The following IL7 variants were observed in gnomAD, a reference collection of about 807,000 sequenced individuals.
The protein encoded by IL7 is interleukin-7.
IL7 carries 3 observed loss-of-function variants against 21.6 expected under a neutral mutation model. The observed-to-expected ratio is 0.14, with a 90% CI of 0.06 to 0.36. The LOEUF is 0.36. Among genes scored for constraint, IL7 ranks in the 10% least tolerant of loss-of-function variants. The pLI is 1.00. For missense variants in IL7, 175 were observed against 200.2 expected (o/e 0.87, Z 0.76); for synonymous variants, 62 against 68.1 (o/e 0.91, Z 0.44).
intron 2 of IL7, among the ~76,000 whole-genome samples, chr8:78,796,698 AC>A (rs2130841890): frequency 6.6e-6 from 1 of 152,152 alleles, no homozygotes; most frequent in Non-Finnish European, 1.5e-5. Flanking sequence ...TTGAAACAAC[AC>A]TGAGATACTA....
intron 2 of IL7, among the ~76,000 whole-genome samples, chr8:78,797,675 C>A (rs534176283): frequency 7.2e-5 from 11 of 152,008 alleles, no homozygotes; most frequent in African/African-American, 2.4e-4. Context: ...TACACACAGC[C>A]AAATAAAATA....
intron 2 of IL7, among the ~76,000 whole-genome samples, chr8:78,751,142 C>G (rs899938074): frequency 6.8e-6 from 1 of 147,556 alleles, no homozygotes; most frequent in African/African-American, 2.5e-5. Flanking sequence ...AACTGTGGGA[C>G]AACTACAAAA....
chr8:78,720,512 G>A (rs1811217983), intron 5 of IL7, among the ~76,000 whole-genome samples: 2 of 151,504 alleles, frequency 1.3e-5, no homozygotes, highest in Admixed American at 1.3e-4. Flanking sequence ...GCCACTAGAG[G>A]GTGCATTTGG....
At chr8:78,765,413 AT>A (rs139840201) in intron 2 of IL7, among the ~76,000 whole-genome samples, 3,590 of 152,226 alleles carry the variant, frequency 0.024, 67 homozygotes, top group Non-Finnish European at 0.035. Context: ...ACTGGAAAAA[AT>A]ATTTACAAAA....
chr8:78,707,414 T>G (rs1810807439), intron 3 of IL7, among the ~76,000 whole-genome samples: 1 of 152,226 alleles, frequency 6.6e-6, no homozygotes, highest in Non-Finnish European at 1.5e-5. Flanking sequence ...GCTTTGGGCA[T>G]GTATCTCTTT....
chr8:78,792,308 T>C (rs1001230811), intron 2 of IL7, among the ~76,000 whole-genome samples: 1 of 152,118 alleles, frequency 6.6e-6, no homozygotes, highest in African/African-American at 2.4e-5. Context: ...AAGACCAACA[T>C]GTGAGACTGA....
chr8:78,773,737 A>C (rs1813041743), intron 2 of IL7, among the ~76,000 whole-genome samples: 1 of 152,154 alleles, frequency 6.6e-6, no homozygotes, highest in African/African-American at 2.4e-5. Flanking sequence ...TGTGGCGATT[A>C]GTACATGTTT....
At chr8:78,716,921 G>A (rs1811125114), downstream of IL7, among the ~76,000 whole-genome samples, 1 of 152,084 alleles carries the variant, frequency 6.6e-6, no homozygotes, top group Non-Finnish European at 1.5e-5. Context: ...CACCATGTAA[G>A]ACATGCTTGC....
At chr8:78,694,914 T>G (rs1810349601) in intron 3 of IL7, among the ~76,000 whole-genome samples, 1 of 152,198 alleles carries the variant, frequency 6.6e-6, no homozygotes, top group Non-Finnish European at 1.5e-5. Flanking sequence ...TATACAAAAT[T>G]GTTGGTTGAT....
rs754052438 is a variant in IL7 at position 78,736,476 on chromosome 8, A to G, written c.412T>C (p.Leu138=). ...GAAAATTATACAATTATTCTCACCA[A>G]ACTCTTTGTTGGTTGGGCTTCACCC... ...ALGEAQPTKS[L]EENKSLKEQK... Residue 138 remains leucine, a splice_region_variant and synonymous_variant, in exon 5 of 6, where the codon TTG becomes CTG. Transcript: ENST00000263851. 1.3e-6 allele frequency: 2 copies of G among 1,591,892 alleles called. No individual in the cohort carries two copies. Among genetic ancestry groups the G allele is most frequent in the Middle Eastern group, 1.7e-4 (1 of 6,004 alleles).
At chr8:78,800,469 T>A (rs1040230169) in intron 1 of IL7, among the ~76,000 whole-genome samples, 4 of 152,104 alleles carry the variant, frequency 2.6e-5, no homozygotes, top group African/African-American at 4.8e-5. Context: ...GCTAATTTTT[T>A]AAAATTTGTT....
intron 3 of IL7, among the ~76,000 whole-genome samples, chr8:78,739,025 G>C (rs945989236): frequency 6.6e-6 from 1 of 152,046 alleles, no homozygotes; most frequent in Admixed American, 6.6e-5. Flanking sequence ...AGTATTTCTT[G>C]CATCTTTTGA....
At chr8:78,704,387 CAA>C (rs1307275741) in intron 3 of IL7, among the ~76,000 whole-genome samples, 46 of 65,242 alleles carry the variant, frequency 7.1e-4, no homozygotes, top group Non-Finnish European at 1.0e-3. Context: ...GACTCCATCT[CAA>C]AAAAAAAAAA....
chr8:78,755,353 T>C (rs1463661462), intron 2 of IL7, among the ~76,000 whole-genome samples: 1 of 152,112 alleles, frequency 6.6e-6, no homozygotes, highest in Non-Finnish European at 1.5e-5. Context: ...TTTTTTCTCT[T>C]TCTGTGAAAA....
chr8:78,804,272 CAACAAAAACAAA>C lies in IL7; in HGVS notation c.10+629_10+640del, dbSNP rs574775786. ...AAGAAGCGCCCGTAGGAAAAAATAA[CAACAAAAACAAA>C]AACAAAAACAAAAAAACCCAGAAGC... On this transcript the variant is annotated intron_variant, in intron 1 of 5. Transcript: ENST00000263851. Among the ~76,000 whole-genome samples the C allele has an allele frequency of 4.6e-5, 7 of 152,168 alleles. No individual in the cohort carries two copies. In the East Asian group the frequency reaches 1.4e-3, roughly 29 times the overall value.
intron 2 of IL7, among the ~76,000 whole-genome samples, chr8:78,741,553 T>C (rs1286625392): frequency 2.1e-4 from 32 of 152,260 alleles, no homozygotes; most frequent in Non-Finnish European, 1.5e-5. Flanking sequence ...TGCCAATTTC[T>C]TGCAACATGT....
intron 3 of IL7, among the ~76,000 whole-genome samples, chr8:78,725,327 C>T (rs1472080228): frequency 2.0e-5 from 3 of 150,850 alleles, no homozygotes; most frequent in Non-Finnish European, 4.4e-5. Context: ...AACATGTGGC[C>T]TGTTCCCCAT....
intron 2 of IL7, among the ~76,000 whole-genome samples, chr8:78,756,052 T>C (rs2130747841): frequency 6.6e-6 from 1 of 152,194 alleles, no homozygotes; most frequent in South Asian, 2.1e-4. Flanking sequence ...TCTTGAATTA[T>C]ATCAAATGCT....
chr8:78,763,468 T>G (rs768617680), intron 2 of IL7, among the ~76,000 whole-genome samples: 7 of 152,126 alleles, frequency 4.6e-5, no homozygotes, highest in Admixed American at 2.6e-4. Flanking sequence ...AAGTGAAAAT[T>G]GTTCATATAA....
Sources: gnomAD v4.1 joint callset for allele counts (sites outside exome capture counted in the v4.1 genomes callset) on GRCh38, gnomAD v4.1.1 for gene constraint, MANE v1.5 for transcripts, NCBI Gene and HGNC (gene_info 2026-07-23, HGNC 2026-07-21) for gene names.